The following LEF1 variants were observed in gnomAD, a reference collection of about 807,000 sequenced individuals.
LEF1 encodes the protein lymphoid enhancer-binding factor 1.
A neutral mutation model predicts 51.2 loss-of-function variants in LEF1; 14 were observed. The ratio of observed to expected loss-of-function variants is 0.27; its 90% CI spans 0.18 to 0.43. The LOEUF is 0.43. LEF1 is among the 20% of genes least tolerant of loss of function. The pLI is 1.00. For synonymous variants in LEF1, 185 were observed against 183.2 expected (o/e 1.01, Z -0.08); for missense variants, 386 against 512.0 (o/e 0.75, Z 2.37).
At chr4:108,079,219 A>C (rs1307817110) in intron 7 of LEF1, among the ~76,000 whole-genome samples, 1 of 43,682 alleles carries the variant, frequency 2.3e-5, no homozygotes, top group East Asian at 2.8e-3. Context: ...AAACAGCTGA[A>C]GAGTCTCGAA....
intron 3 of LEF1, among the ~76,000 whole-genome samples, chr4:108,151,085 A>T (rs2110395200): frequency 6.6e-6 from 1 of 152,280 alleles, no homozygotes; most frequent in South Asian, 2.1e-4. Flanking sequence ...TTAGCATAAA[A>T]CTGAAAACAA....
At chr4:108,126,124 G>A (rs574933179) in intron 3 of LEF1, among the ~76,000 whole-genome samples, 1 of 152,144 alleles carries the variant, frequency 6.6e-6, no homozygotes, top group South Asian at 2.1e-4. Context: ...TTCCACTAAG[G>A]ACTTAAAGCT....
intron 11 of LEF1, among the ~76,000 whole-genome samples, chr4:108,059,708 T>G (rs1483250672): frequency 1.3e-5 from 2 of 151,972 alleles, no homozygotes; most frequent in Non-Finnish European, 1.5e-5. Context: ...CTGGTTTGTT[T>G]TTTGCGTTTT....
chr4:108,155,023 G>A (rs902369367), intron 3 of LEF1, among the ~76,000 whole-genome samples: 3 of 151,946 alleles, frequency 2.0e-5, no homozygotes, highest in Non-Finnish European at 4.4e-5. Context: ...ATTTAAGCCA[G>A]AAGGAAATTC....
In LEF1 at chr4:108,167,759, T is replaced by G; in HGVS notation, c.9A>C (p.Gln3His). The G allele has an allele frequency of 1.2e-6, 2 of 1,612,302 alleles. No homozygotes were observed. The highest frequency in any genetic ancestry group is 4.5e-5 in the East Asian group (2 of 44,850). ...CGCCGCCGCCACCTCCTCCGGAGAG[T>G]TGGGGCATCCCGGCGGCTCTGTAAT... is the stretch of plus-strand genomic sequence containing the variant. MP[Q>H]LSGGGGGGGG... The change falls in exon 1 of 12, where the codon CAA becomes CAC. Residue 3 changes from glutamine (Q) to histidine (H), a missense_variant. Gln to His is a conservative substitution (Grantham distance 24). Coordinates refer to ENST00000265165, the MANE Select transcript of LEF1 (RefSeq NM_016269.5). The surrounding 1 kb of genome is among the most constrained non-coding windows in gnomAD (Gnocchi z 5.7).
At chr4:108,129,330 C>A (rs1742727058) in intron 3 of LEF1, among the ~76,000 whole-genome samples, 1 of 152,138 alleles carries the variant, frequency 6.6e-6, no homozygotes, top group African/African-American at 2.4e-5. Context: ...AACCAGTGGC[C>A]AATTAGAATG....
chr4:108,081,646 A>C lies in LEF1; in HGVS notation c.662T>G (p.Ile221Ser). 1 of 1,614,102 alleles carries C rather than the reference A, an allele frequency of 6.2e-7. No individual in the cohort carries two copies. The highest frequency in any genetic ancestry group is 8.5e-7 in the Non-Finnish European group (1 of 1,179,972). The change falls in exon 6 of 12, where the codon ATC becomes AGC. Residue 221 changes from isoleucine (I) to serine (S), a missense_variant. Coordinates refer to ENST00000265165, the MANE Select transcript of LEF1 (RefSeq NM_016269.5). ...GTAGGGTTGCCTGAATCCACCCGTG[A>C]TGGGATATACAGGCTGACCTTGCCT... is the stretch of plus-strand genomic sequence containing the variant. ...LGWQGQPVYPITGGFRQPYPS... is the reference protein window; with the variant it reads ...LGWQGQPVYPSTGGFRQPYPS...
At chr4:108,149,408 G>A (rs1452001360) in intron 3 of LEF1, among the ~76,000 whole-genome samples, 4 of 129,808 alleles carry the variant, frequency 3.1e-5, no homozygotes, top group South Asian at 2.6e-4. Context: ...GCAGTGAGCC[G>A]AGGTCGTGCC....
intron 3 of LEF1, among the ~76,000 whole-genome samples, chr4:108,157,219 C>CACACAA (rs1491087050): frequency 6.8e-6 from 1 of 146,662 alleles, no homozygotes; most frequent in African/African-American, 2.7e-5. Flanking sequence ...CACACACACA[C>CACACAA]AAACACACAT....
chr4:108,165,150 G>A lies in LEF1; in HGVS notation c.227C>T (p.Ala76Val). 1 of 1,614,084 alleles carries A rather than the reference G, an allele frequency of 6.2e-7. No individual in the cohort carries two copies. Among genetic ancestry groups the A allele is most frequent in the Non-Finnish European group, 8.5e-7 (1 of 1,179,976 alleles). ...GTGGTAGGGCTCCTGAGAGGTTTGTGCTTGTCTGGCCACCTAACATCATGA... is the reference window on the plus strand; with the variant it reads ...GTGGTAGGGCTCCTGAGAGGTTTGTACTTGTCTGGCCACCTAACATCATGA... ...ASNGHEVARQAQTSQEPYHDK... is the reference protein window; with the variant it reads ...ASNGHEVARQVQTSQEPYHDK... Residue 76 changes from alanine (A) to valine (V), a missense_variant, in exon 2 of 12, where the codon GCA becomes GTA. Physicochemically the swap from Ala to Val is moderately conservative, Grantham distance 64. Transcript: ENST00000265165.
At chr4:108,116,785 G>C (rs11936489) in intron 3 of LEF1, among the ~76,000 whole-genome samples, 7,876 of 152,258 alleles carry the variant, frequency 0.052, 667 homozygotes, top group African/African-American at 0.18. Flanking sequence ...TCACATCCCT[G>C]TCTCTCAGTT....
intron 7 of LEF1, 98 bp downstream of exon 7, chr4:108,079,394 A>G: frequency 7.3e-7 from 1 of 1,371,176 alleles, no homozygotes; most frequent in Admixed American, 1.8e-5. Context: ...GTTTCACAGC[A>G]ACACAAAGGG....
chr4:108,119,014 G>A (rs1038791792), intron 3 of LEF1, among the ~76,000 whole-genome samples: 1 of 151,116 alleles, frequency 6.6e-6, no homozygotes, highest in African/African-American at 2.4e-5. Context: ...CACAGTACAT[G>A]ATTTGTGATG....
intron 3 of LEF1, among the ~76,000 whole-genome samples, chr4:108,154,303 C>T (rs1337690668): frequency 1.3e-5 from 2 of 151,704 alleles, no homozygotes; most frequent in Non-Finnish European, 2.9e-5. Context: ...TAAATTGGGG[C>T]AGGTTACTGC....
chr4:108,099,518 G>GTATA, intron 3 of LEF1, among the ~76,000 whole-genome samples: 1 of 105,470 alleles, frequency 9.5e-6, no homozygotes, highest in East Asian at 3.2e-4. Context: ...ATATGTGTAT[G>GTATA]TATATATATA....
chr4:108,126,443 T>TTA (rs1163952227), intron 3 of LEF1, among the ~76,000 whole-genome samples: 1 of 152,126 alleles, frequency 6.6e-6, no homozygotes, highest in African/African-American at 2.4e-5. Context: ...TTAGGATAAA[T>TTA]TATAACTTAA....
At chr4:108,130,604 C>A (rs1192051430) in intron 3 of LEF1, among the ~76,000 whole-genome samples, 1 of 150,746 alleles carries the variant, frequency 6.6e-6, no homozygotes, top group African/African-American at 2.4e-5. Flanking sequence ...GTGGTGTGCA[C>A]CTGTAATCCC....
chr4:108,088,850 G>A (rs1739822408), intron 4 of LEF1, among the ~76,000 whole-genome samples: 1 of 152,090 alleles, frequency 6.6e-6, no homozygotes, highest in African/African-American at 2.4e-5. Context: ...TAGTATATTT[G>A]CACAATCTAT....
chr4:108,135,005 A>C (rs1578383908), intron 3 of LEF1, among the ~76,000 whole-genome samples: 1 of 152,244 alleles, frequency 6.6e-6, no homozygotes, highest in Non-Finnish European at 1.5e-5. Context: ...CACTAGGTCC[A>C]AAAAGACCCC....
Sources: gnomAD v4.1 joint callset for allele counts (sites outside exome capture counted in the v4.1 genomes callset) on GRCh38, gnomAD v4.1.1 for gene constraint, Gnocchi (gnomAD v3.1) non-coding constraint, MANE v1.5 for transcripts, NCBI Gene and HGNC (gene_info 2026-07-23, HGNC 2026-07-21) for gene names.